RDX: variants seen among roughly 807,000 people sequenced by gnomAD.
The protein encoded by RDX is radixin.
In RDX, 32 loss-of-function variants were observed where a neutral mutation model predicts 83.7. The observed-to-expected ratio is 0.38, with a 90% CI of 0.29 to 0.51. RDX has a LOEUF of 0.51. RDX is among the 20% of genes least tolerant of loss of function. The pLI is 0.87. For missense variants in RDX, 600 were observed against 689.9 expected (o/e 0.87, Z 1.46); for synonymous variants, 229 against 222.7 (o/e 1.03, Z -0.25).
Position 110,243,485 on chromosome 11 carries a change from G to A in RDX, c.1090+4218C>T, listed in dbSNP as rs189290573. ...GTAATCCAGCAATTTGGGAGGCCAA[G>A]GCAGGCAGATCACTTGAGGCCAGGA... On this transcript the variant is annotated intron_variant, in intron 10 of 13. Transcript: ENST00000645495. Among the ~76,000 whole-genome samples the A allele has an allele frequency of 1.8e-3, 274 of 152,312 alleles. 2 individuals carry two copies. The Middle Eastern group carries it at 0.027, about 15-fold the overall frequency.
intron 1 of RDX, among the ~76,000 whole-genome samples, chr11:110,292,548 C>T (rs1480055658): frequency 6.6e-6 from 1 of 152,036 alleles, no homozygotes; most frequent in Admixed American, 6.6e-5. Context: ...CTATTTGATG[C>T]CAATGCATCT....
downstream of RDX, among the ~76,000 whole-genome samples, chr11:110,226,194 A>C (rs536219405): frequency 6.6e-6 from 1 of 152,352 alleles, no homozygotes; most frequent in Admixed American, 6.5e-5. Flanking sequence ...TCAAAGCAGC[A>C]ATATTCAGAG....
rs1259104257 is a variant in RDX, at chr11:110,255,332, T to C, written c.752A>G (p.Asn251Ser). 1 of 1,594,766 alleles carries C rather than the reference T, an allele frequency of 6.3e-7. No individual in the cohort carries two copies. Among genetic ancestry groups the C allele is most frequent in the African/African-American group, 1.3e-5 (1 of 74,524 alleles). The change falls in exon 8 of 14, where the codon AAT becomes AGT. Residue 251 changes from asparagine (N) to serine (S), a missense_variant. Coordinates refer to ENST00000645495, the MANE Select transcript of RDX (RefSeq NM_002906.4). ...PWSEIRNISF[N>S]DKKFVIKPID... ...TGGCTTTATAACAAATTTTTTGTCA[T>C]TAAATGAAATATTTCTGATTTCACT...
chr11:110,179,753 C>G (rs1380730588), intron 15 of RDX: 3 of 289,698 alleles, frequency 1.0e-5, no homozygotes, highest in African/African-American at 6.7e-5. Context: ...GCCTGGGCAA[C>G]AGAGCAAGAT....
chr11:110,282,718 C>A (rs1301695346), intron 1 of RDX, among the ~76,000 whole-genome samples: 2 of 152,156 alleles, frequency 1.3e-5, no homozygotes, highest in Admixed American at 1.3e-4. Context: ...GTGGCTCACA[C>A]CTGTAATTCC....
At chr11:110,274,292 T>C (rs1860424547) in intron 2 of RDX, among the ~76,000 whole-genome samples, 1 of 152,232 alleles carries the variant, frequency 6.6e-6, no homozygotes, top group African/African-American at 2.4e-5. Context: ...ATTTGTTCTT[T>C]GTAAATACCA....
intron 15 of RDX, among the ~76,000 whole-genome samples, chr11:110,188,111 T>C (rs1218380132): frequency 6.6e-6 from 1 of 152,114 alleles, no homozygotes; most frequent in African/African-American, 2.4e-5. Context: ...CTGGCCAAGA[T>C]GGCGAAACCC....
rs1415001942 is a variant in RDX at position 110,247,730 on chromosome 11, C to G, written c.1063G>C (p.Glu355Gln). 1 of 1,611,832 alleles carries G rather than the reference C, an allele frequency of 6.2e-7. No individual in the cohort carries two copies. Among genetic ancestry groups the G allele is most frequent in the African/African-American group, 1.3e-5 (1 of 74,872 alleles). The change falls in exon 10 of 14, where the codon GAA (glutamate) becomes CAA (glutamine). Residue 355 changes from glutamate to glutamine, a missense_variant. Coordinates refer to ENST00000645495, the MANE Select transcript of RDX (RefSeq NM_002906.4). ...TTCTGAGCTTTAATTGTCTGCTCTT[C>G]AATTTGTTTTAGACGTTCCATTAGC... Reference protein sequence around the residue: ...EELMERLKQIEEQTIKAQKEL... With the variant: ...EELMERLKQIQEQTIKAQKEL...
chr11:110,243,575 G>T (rs575521464), intron 10 of RDX, among the ~76,000 whole-genome samples: 26 of 152,138 alleles, frequency 1.7e-4, no homozygotes, highest in African/African-American at 6.0e-4. Context: ...AAAATTAGCC[G>T]AGCGTGGTGG....
intron 14 of RDX, among the ~76,000 whole-genome samples, chr11:110,208,733 G>A (rs935949930): frequency 3.3e-5 from 5 of 152,146 alleles, no homozygotes; most frequent in Non-Finnish European, 7.3e-5. Context: ...CTGTCAGGCG[G>A]ATCACTTGAG....
chr11:110,194,783 G>C (rs1289320943), intron 15 of RDX, among the ~76,000 whole-genome samples: 1 of 152,162 alleles, frequency 6.6e-6, no homozygotes, highest in Non-Finnish European at 1.5e-5. Context: ...GGAGGAGGTT[G>C]TCTCTAAAAT....
At chr11:110,257,717 A>C in intron 7 of RDX, 50 bp downstream of exon 7, 1 of 1,591,704 alleles carries the variant, frequency 6.3e-7, no homozygotes, top group South Asian at 1.1e-5. Context: ...GATTAACGTC[A>C]TTTAGACCAC....
chr11:110,223,593 A>C (rs1864330946), intron 14 of RDX, among the ~76,000 whole-genome samples: 1 of 152,168 alleles, frequency 6.6e-6, no homozygotes, highest in Admixed American at 6.5e-5. Flanking sequence ...TTCTATCAAA[A>C]GATTTTATCT....
chr11:110,207,903 G>T (rs140966731), intron 14 of RDX, among the ~76,000 whole-genome samples: 196 of 151,960 alleles, frequency 1.3e-3, no homozygotes, highest in African/African-American at 4.5e-3. Flanking sequence ...TATAATTACA[G>T]TAATTTTCTG....
At chr11:110,274,433 ATTTGTTGATCAAG>A (rs1397952720) in intron 2 of RDX, among the ~76,000 whole-genome samples, 1 of 152,182 alleles carries the variant, frequency 6.6e-6, no homozygotes, top group Non-Finnish European at 1.5e-5. Context: ...ACTGCACGAT[ATTTGTTGATCAAG>A]TTTTCTTTCT....
At chr11:110,205,452 A>AAC (rs1863567679) in intron 14 of RDX, among the ~76,000 whole-genome samples, 1 of 149,176 alleles carries the variant, frequency 6.7e-6, no homozygotes, top group African/African-American at 2.4e-5. Context: ...AAAAAAAAAA[A>AAC]CCACCATAAA....
At chr11:110,193,371 G>C (rs1003606998) in intron 15 of RDX, among the ~76,000 whole-genome samples, 1 of 152,094 alleles carries the variant, frequency 6.6e-6, no homozygotes, top group Non-Finnish European at 1.5e-5. Context: ...CACTAGAGAC[G>C]GGAGAGAGGG....
chr11:110,264,727 A>C, intron 4 of RDX, 52 bp downstream of exon 4: 2 of 1,338,608 alleles, frequency 1.5e-6, no homozygotes, highest in Non-Finnish European at 1.1e-6. Context: ...GCACAAATTC[A>C]TAACTTCAAC....
intron 3 of RDX, among the ~76,000 whole-genome samples, chr11:110,268,374 T>C (rs1215812919): frequency 6.0e-5 from 9 of 150,476 alleles, no homozygotes; most frequent in Non-Finnish European, 1.5e-5. Context: ...TAAAGTCTCA[T>C]ACTGATAATG....
Sources: allele counts gnomAD v4.1 joint callset (sites outside exome capture counted in the v4.1 genomes callset), GRCh38; gene constraint gnomAD v4.1.1; transcripts MANE v1.5; gene names NCBI Gene and HGNC (gene_info 2026-07-23, HGNC 2026-07-21).